The following SMC5 variants were observed in gnomAD, a reference collection of about 807,000 sequenced individuals.
SMC5 encodes structural maintenance of chromosomes 5.
In SMC5, 88 loss-of-function variants were observed where a neutral mutation model predicts 148.3. That is an observed-to-expected ratio of 0.59 (90% confidence interval 0.50 to 0.71). The LOEUF (loss-of-function observed/expected upper bound fraction) is 0.71. Among genes scored for constraint, SMC5 ranks in the 30% least tolerant of loss-of-function variants. The pLI, the probability that SMC5 is intolerant of heterozygous loss-of-function variation, is 0.00. For missense variants in SMC5, 1,142 were observed against 1,298.9 expected, an observed-to-expected ratio of 0.88 and a Z score of 1.86; for synonymous variants, 421 against 432.8, an observed-to-expected ratio of 0.97 and a Z score of 0.34.
chr9:70,275,609 A>G (rs1250170962), intron 3 of SMC5, among the ~76,000 whole-genome samples: 3 of 151,926 alleles, frequency 2.0e-5, no homozygotes, highest in Non-Finnish European at 4.4e-5. Flanking sequence ...TTTGATAGTA[A>G]TCATTCTCTT....
intron 17 of SMC5, among the ~76,000 whole-genome samples, chr9:70,334,513 T>C (rs1303094952): frequency 6.6e-6 from 1 of 152,220 alleles, no homozygotes; most frequent in Non-Finnish European, 1.5e-5. Flanking sequence ...AGAGGACTTG[T>C]ATCTAGACCA....
rs1587662363 is a variant in SMC5, at chr9:70,300,102, C to CT, written c.1367dup (p.Arg457LysfsTer6). The CT allele has an allele frequency of 1.2e-6, 2 of 1,603,022 alleles. No individual in the cohort carries two copies. The highest frequency in any genetic ancestry group is 1.7e-6 in the Non-Finnish European group (2 of 1,177,000). On this transcript the variant is annotated frameshift_variant, in exon 10 of 25. Coordinates refer to ENST00000361138, the MANE Select transcript of SMC5 (RefSeq NM_015110.4). LOFTEE classifies it high-confidence loss of function. ...TCTTATGAATCAGAAGGAAGATAAG[C>CT]TAAGACAGAGATTCCGTGACACGTA...
chr9:70,296,437 CT>C (rs1162471567), intron 8 of SMC5, among the ~76,000 whole-genome samples: 1 of 151,948 alleles, frequency 6.6e-6, no homozygotes, highest in Non-Finnish European at 1.5e-5. Context: ...TGGCACACGC[CT>C]GTGGTCCCAG....
At chr9:70,337,507 G>A (rs1483885296) in intron 17 of SMC5, among the ~76,000 whole-genome samples, 1 of 145,964 alleles carries the variant, frequency 6.9e-6, no homozygotes, top group African/African-American at 2.6e-5. Context: ...CGAGGCTGGA[G>A]TGCAGTGGCA....
intron 8 of SMC5, among the ~76,000 whole-genome samples, chr9:70,289,819 C>T (rs1587647520): frequency 6.6e-6 from 1 of 151,772 alleles, no homozygotes; most frequent in Admixed American, 6.6e-5. Context: ...CTTATACTTT[C>T]TCTTCCTGTA....
intron 6 of SMC5, among the ~76,000 whole-genome samples, chr9:70,281,150 G>C (rs183656956): frequency 3.3e-5 from 5 of 151,428 alleles, no homozygotes; most frequent in Non-Finnish European, 7.4e-5. Flanking sequence ...CGATTCTCCT[G>C]CCTCAGCCTC....
intron 1 of SMC5, among the ~76,000 whole-genome samples, chr9:70,261,228 A>G (rs748402147): frequency 1.3e-5 from 2 of 152,228 alleles, no homozygotes; most frequent in Non-Finnish European, 2.9e-5. Context: ...AGAAGTTCCG[A>G]CATCATCCTG....
chr9:70,338,001 C>A lies in SMC5; in HGVS notation c.2398-6143C>A, dbSNP rs374670396. On this transcript the variant is annotated intron_variant, in intron 17 of 24. Transcript: ENST00000361138. ...TATATTTTAATAGTGCATAATTTCT[C>A]AACACATTTGCTGTTTTGTTTTGTT... Among the ~76,000 whole-genome samples the A allele has an allele frequency of 4.3e-4, 66 of 152,180 alleles. 1 individual carries two copies. The South Asian group carries it at 0.013, about 30-fold the overall frequency.
intron 3 of SMC5, among the ~76,000 whole-genome samples, chr9:70,269,829 A>G (rs1220898437): frequency 6.6e-6 from 1 of 152,234 alleles, no homozygotes; most frequent in African/African-American, 2.4e-5. Context: ...GGTATAGAAG[A>G]TGAGAGGAGC....
chr9:70,325,149 A>G (rs1032612493), intron 17 of SMC5, among the ~76,000 whole-genome samples: 1 of 152,300 alleles, frequency 6.6e-6, no homozygotes, highest in East Asian at 1.9e-4. Context: ...TATTGCTCAA[A>G]TCATACAGTT....
At chr9:70,346,306 T>A (rs539120512) in intron 18 of SMC5, 2 of 379,820 alleles carry the variant, frequency 5.3e-6, no homozygotes, top group South Asian at 6.3e-5. Context: ...GATATTAGAT[T>A]AATATGTCAA....
chr9:70,302,594 C>A (rs1379195803), intron 10 of SMC5, among the ~76,000 whole-genome samples: 2 of 151,946 alleles, frequency 1.3e-5, no homozygotes, highest in African/African-American at 4.8e-5. Context: ...TGCTTGAACC[C>A]GGGATGTGGA....
intron 11 of SMC5, chr9:70,311,931 A>G (rs2035668103): frequency 6.6e-6 from 1 of 151,790 alleles, no homozygotes; most frequent in Non-Finnish European, 1.5e-5. Context: ...AAGAGAAATG[A>G]TGTATTAGTC....
At chr9:70,299,036 A>T (rs1425658301) in intron 9 of SMC5, among the ~76,000 whole-genome samples, 3 of 151,606 alleles carry the variant, frequency 2.0e-5, no homozygotes, top group African/African-American at 4.8e-5. Flanking sequence ...TTTTTTGGTC[A>T]TTTAACAATT....
At chr9:70,277,902 A>T (rs2034636332) in intron 4 of SMC5, among the ~76,000 whole-genome samples, 2 of 152,020 alleles carry the variant, frequency 1.3e-5, no homozygotes, top group Non-Finnish European at 2.9e-5. Flanking sequence ...TTTATTAAAC[A>T]TAAAAAATGC....
intron 3 of SMC5, among the ~76,000 whole-genome samples, chr9:70,273,468 G>A (rs939427311): frequency 9.3e-5 from 14 of 151,282 alleles, no homozygotes; most frequent in African/African-American, 3.4e-4. Flanking sequence ...ACTAACTTTT[G>A]CATTTGTCGT....
At chr9:70,332,226 T>G (rs2036235717) in intron 17 of SMC5, among the ~76,000 whole-genome samples, 1 of 152,096 alleles carries the variant, frequency 6.6e-6, no homozygotes, top group African/African-American at 2.4e-5. Context: ...ACCAAGCATT[T>G]ATAAAATAAT....
chr9:70,288,047 A>G (rs185958505), intron 8 of SMC5, among the ~76,000 whole-genome samples: 23 of 151,754 alleles, frequency 1.5e-4, no homozygotes, highest in African/African-American at 5.3e-4. Flanking sequence ...CATTCCTATT[A>G]TTTTATTAGG....
chr9:70,330,593 C>T (rs1341969092), intron 17 of SMC5, among the ~76,000 whole-genome samples: 1 of 150,130 alleles, frequency 6.7e-6, no homozygotes, highest in East Asian at 2.0e-4. Context: ...CTCTGTCACC[C>T]AGGCTGGAGT....
Sources: gnomAD v4.1 joint callset for allele counts (sites outside exome capture counted in the v4.1 genomes callset) on GRCh38, gnomAD v4.1.1 for gene constraint, MANE v1.5 for transcripts, NCBI Gene and HGNC (gene_info 2026-07-23, HGNC 2026-07-21) for gene names.